The following DAAM2 variants were observed in gnomAD, a reference collection of about 807,000 sequenced individuals.
DAAM2 encodes dishevelled associated activator of morphogenesis 2, also known as disheveled-associated activator of morphogenesis 2.
A neutral mutation model predicts 120.7 loss-of-function variants in DAAM2; 39 were observed. That is an observed-to-expected ratio of 0.32 (90% CI 0.25 to 0.42). DAAM2 has a LOEUF of 0.42. Ranked by LOEUF, DAAM2 falls within the 10% of genes least tolerant of loss-of-function variation. The pLI, the probability that DAAM2 is intolerant of heterozygous loss-of-function variation, is 1.00. For missense variants in DAAM2, 1,283 were observed against 1,401.7 expected, an observed-to-expected ratio of 0.92 and a Z score of 1.35; for synonymous variants, 488 against 524.9, an observed-to-expected ratio of 0.93 and a Z score of 0.96.
chr6:39,843,422 C>T (rs1201292567), intron 1 of DAAM2, among the ~76,000 whole-genome samples: 1 of 152,174 alleles, frequency 6.6e-6, no homozygotes, highest in South Asian at 2.1e-4. Context: ...AGTAACTTGT[C>T]TCTGTTCAGT....
At position 39,883,987 on chromosome 6, in the gene DAAM2, A is replaced by G. The variant is rs1765255977; in HGVS notation, c.1871A>G (p.Asn624Ser). Residue 624 changes from asparagine (N) to serine (S), a missense_variant, in exon 15 of 25, where the codon AAT (asparagine) becomes AGT (serine). Physicochemically the swap from Asn to Ser is conservative, Grantham distance 46 (BLOSUM62 1). Around this residue, in one of 3 missense-constraint regions of DAAM2, gnomAD observed 748 missense variants for 768.6 expected, o/e 0.97. Coordinates refer to ENST00000274867, the MANE Select transcript of DAAM2 (RefSeq NM_001201427.2). ...GAGCGTGTCCCTGGCACCGTATGGAATGAGATTGATGACATGCAGGTATTT... is the reference window on the plus strand; with the variant it reads ...GAGCGTGTCCCTGGCACCGTATGGAGTGAGATTGATGACATGCAGGTATTT... ...NEERVPGTVWNEIDDMQVFRI... is the reference protein window; with the variant it reads ...NEERVPGTVWSEIDDMQVFRI... 7 of 1,612,820 alleles carry G rather than the reference A, an allele frequency of 4.3e-6. No individual in the cohort carries two copies. Among genetic ancestry groups the G allele is most frequent in the Non-Finnish European group, 4.2e-6 (5 of 1,178,956 alleles).
chr6:39,809,562 A>C (rs1351485340), intron 1 of DAAM2, among the ~76,000 whole-genome samples: 1 of 152,200 alleles, frequency 6.6e-6, no homozygotes, highest in Non-Finnish European at 1.5e-5. Flanking sequence ...TCCTAGGGAA[A>C]AAGAAAGTTC....
Position 39,850,360 on chromosome 6 carries a change from C to A in DAAM2, c.-56-5887C>A, listed in dbSNP as rs1170859786. On this transcript the variant is annotated intron_variant, in intron 1 of 24. Transcript: ENST00000274867. ...AGCCTGCCCTGACTTCCCCTTTACC[C>A]CCCACCTCCCAGGCTGGACCCGGTC... is the stretch of plus-strand genomic sequence containing the variant. Among the ~76,000 whole-genome samples the A allele has an allele frequency of 2.0e-5, 3 of 152,280 alleles. No individual in the cohort carries two copies. In the South Asian group the frequency reaches 6.2e-4, roughly 32 times the overall value.
rs113729828 is a variant in DAAM2 at position 39,878,161 on chromosome 6, T to A, written c.1302-42T>A. ...TGTCTCCTGGGAAGCTGTGAATCAATGGTCAACAATCACATTGCCCCTTCC... is the reference window on the plus strand; with the variant it reads ...TGTCTCCTGGGAAGCTGTGAATCAAAGGTCAACAATCACATTGCCCCTTCC... On this transcript the variant is annotated intron_variant, in intron 11 of 24. Transcript: ENST00000274867. This position sits in a 1 kb window ranked among gnomAD's most constrained non-coding sequence, Gnocchi z 5.0. 9.7e-3 allele frequency: 15,655 copies of A among 1,606,970 alleles called. 124 individuals are homozygous for A. The highest frequency in any genetic ancestry group is 0.034 in the Middle Eastern group (205 of 6,034).
In DAAM2 at chr6:39,878,639, A is replaced by G; in HGVS notation, c.1545+51A>G. ...TAGTTGAGCCAAGACCCTGGGCTTC[A>G]GGACTGGGTGGGCAGAGCAGGTGTC... On this transcript the variant is annotated intron_variant, in intron 13 of 24. Transcript: ENST00000274867. This position sits in a 1 kb window ranked among gnomAD's most constrained non-coding sequence, Gnocchi z 5.0. 1 of 1,540,202 alleles carries G rather than the reference A, an allele frequency of 6.5e-7. No individual in the cohort carries two copies. Among genetic ancestry groups the G allele is most frequent in the Non-Finnish European group, 8.8e-7 (1 of 1,140,664 alleles).
chr6:39,825,462 T>G, intron 1 of DAAM2, among the ~76,000 whole-genome samples: 1 of 149,602 alleles, frequency 6.7e-6, no homozygotes, highest in African/African-American at 2.4e-5. Flanking sequence ...GGGCCTTTGT[T>G]TCTTGAAGGA....
chr6:39,838,083 T>C (rs1763178180), intron 1 of DAAM2, among the ~76,000 whole-genome samples: 2 of 152,144 alleles, frequency 1.3e-5, no homozygotes, highest in Admixed American at 1.3e-4. Context: ...GATCTGCAGG[T>C]GAGAGAGTAG....
At chr6:39,840,559 T>C (rs1332919375) in intron 1 of DAAM2, among the ~76,000 whole-genome samples, 2 of 152,122 alleles carry the variant, frequency 1.3e-5, no homozygotes, top group Admixed American at 1.3e-4. Context: ...CATTGGCACA[T>C]CTGAATAGAA....
chr6:39,897,797 A>C (rs1426530639), intron 21 of DAAM2, among the ~76,000 whole-genome samples: 1 of 152,200 alleles, frequency 6.6e-6, no homozygotes, highest in Non-Finnish European at 1.5e-5. Flanking sequence ...TAAAATCAAA[A>C]TGCGCATGCT....
Position 39,820,412 on chromosome 6 carries a change from T to G in DAAM2, c.-57+27947T>G, listed in dbSNP as rs553858782. ...CTGTGGATCTATAATAGGCAAAACT[T>G]AACTCAAATAGATTTAATCATAGCC... On this transcript the variant is annotated intron_variant, in intron 1 of 24. Coordinates refer to ENST00000274867, the MANE Select transcript of DAAM2 (RefSeq NM_001201427.2). 3 of 152,334 alleles carry G rather than the reference T, an allele frequency of 2.0e-5. No individual in the cohort carries two copies. The East Asian group carries it at 5.8e-4, about 29-fold the overall frequency. The allele number at this position is 152,334 out of a possible 1,614,324, so 9.4% of individuals were successfully genotyped here. A position where few individuals can be genotyped will look rare whatever the true frequency, so the allele number is the denominator to read the frequency against.
chr6:39,863,093 C>T (rs1468258985), intron 3 of DAAM2, among the ~76,000 whole-genome samples: 1 of 152,062 alleles, frequency 6.6e-6, no homozygotes. Context: ...ACATTTACCA[C>T]CCTTTCTCTG....
intron 14 of DAAM2, among the ~76,000 whole-genome samples, chr6:39,880,543 A>AAGCG (rs1765071946): frequency 6.6e-6 from 1 of 151,996 alleles, no homozygotes; most frequent in Non-Finnish European, 1.5e-5. Context: ...ATTAGGAAGC[A>AAGCG]TGTTCAAAGA....
At chr6:39,864,945 A>G (rs1350233260) in intron 4 of DAAM2, 35 bp from the exon 5 acceptor site, 3 of 1,572,850 alleles carry the variant, frequency 1.9e-6, no homozygotes, top group Non-Finnish European at 2.6e-6. Flanking sequence ...GAGGGTTGGG[A>G]GACAGGCAGC....
intron 14 of DAAM2, chr6:39,880,097 G>A (rs1057252124): frequency 3.0e-4 from 46 of 155,328 alleles, no homozygotes; most frequent in African/African-American, 9.1e-4. Context: ...TCTAGCAATC[G>A]AAGGCCAGTT....
At chr6:39,832,043 T>C (rs1334687195) in intron 1 of DAAM2, among the ~76,000 whole-genome samples, 2 of 121,686 alleles carry the variant, frequency 1.6e-5, no homozygotes, top group Non-Finnish European at 3.3e-5. Context: ...GGGGCGCAGG[T>C]ACACTGCGGG....
chr6:39,845,731 C>T (rs927202333), intron 1 of DAAM2, among the ~76,000 whole-genome samples: 1 of 151,974 alleles, frequency 6.6e-6, no homozygotes, highest in African/African-American at 2.4e-5. Flanking sequence ...TCCTCCTGGA[C>T]CCCACTCAAT....
At chr6:39,798,628 T>A (rs566875289) in intron 1 of DAAM2, among the ~76,000 whole-genome samples, 1 of 152,176 alleles carries the variant, frequency 6.6e-6, no homozygotes, top group African/African-American at 2.4e-5. Context: ...CGGCCAGCAA[T>A]CCCCATCAGT....
At chr6:39,830,676 C>T (rs946260860) in intron 1 of DAAM2, among the ~76,000 whole-genome samples, 2 of 152,150 alleles carry the variant, frequency 1.3e-5, no homozygotes, top group Non-Finnish European at 2.9e-5. Flanking sequence ...TGCGGAGGTT[C>T]CCACCACTCT....
chr6:39,817,358 T>C (rs1295847093), intron 1 of DAAM2, among the ~76,000 whole-genome samples: 1 of 152,190 alleles, frequency 6.6e-6, no homozygotes, highest in Admixed American at 6.5e-5. Context: ...CAAATTTCAG[T>C]GACTGAAAAC....
Sources: gnomAD v4.1 joint callset for allele counts (sites outside exome capture counted in the v4.1 genomes callset) on GRCh38, gnomAD v4.1.1 for gene constraint, gnomAD v4.1.1 regional missense constraint, Gnocchi (gnomAD v3.1) non-coding constraint, MANE v1.5 for transcripts, NCBI Gene and HGNC (gene_info 2026-07-23, HGNC 2026-07-21) for gene names.